Variants in UCK2 observed in about 807,000 individuals in gnomAD.
UCK2 encodes uridine-cytidine kinase 2.
A neutral mutation model predicts 30.8 loss-of-function variants in UCK2; 6 were observed. The ratio of observed to expected loss-of-function variants is 0.19; its 90% CI spans 0.11 to 0.38. The LOEUF (loss-of-function observed/expected upper bound fraction) is 0.38, where lower values mean the gene tolerates loss of function less well. Ranked by LOEUF, UCK2 falls within the 10% of genes least tolerant of loss-of-function variation. The probability of loss-of-function intolerance (pLI) is 1.00; values close to 1 mark genes in which losing one functional copy is unlikely to be tolerated. For synonymous variants in UCK2, 125 were observed against 133.6 expected, an observed-to-expected ratio of 0.94 and a Z score of 0.45; for missense variants, 210 against 339.8, an observed-to-expected ratio of 0.62 and a Z score of 3.00.
At chr1:165,828,806 T>G (rs1281900599) in intron 1 of UCK2, among the ~76,000 whole-genome samples, 1 of 151,648 alleles carries the variant, frequency 6.6e-6, no homozygotes, top group Non-Finnish European at 1.5e-5. Context: ...AAGGGTGGAG[T>G]CCTCCCAGAT....
chr1:165,835,893 G>A (rs768479424), intron 1 of UCK2, among the ~76,000 whole-genome samples: 10 of 151,690 alleles, frequency 6.6e-5, no homozygotes, highest in South Asian at 2.1e-4. Context: ...ATTTCTTTTC[G>A]ATTGCATTAC....
At chr1:165,878,334 TC>T (rs1002819534) in intron 1 of UCK2, among the ~76,000 whole-genome samples, 3 of 133,730 alleles carry the variant, frequency 2.2e-5, no homozygotes, top group African/African-American at 8.1e-5. Flanking sequence ...TTTCTTTCTT[TC>T]TTTTTTTTTT....
chr1:165,886,085 G>A (rs146880717), intron 1 of UCK2, among the ~76,000 whole-genome samples: 89 of 151,758 alleles, frequency 5.9e-4, no homozygotes, highest in African/African-American at 2.1e-3. Context: ...TTAACTTTCC[G>A]TTTCTATGAA....
chr1:165,895,711 C>A lies in UCK2; in HGVS notation c.357-479C>A, dbSNP rs573860694. The A allele has an allele frequency of 1.5e-5, 14 of 944,858 alleles. No individual in the cohort carries two copies. The African/African-American group carries it at 1.9e-4, about 13-fold the overall frequency. The allele number at this position is 944,858 out of a possible 1,614,324, so 58.5% of individuals were successfully genotyped here. A position where few individuals can be genotyped will look rare whatever the true frequency, so the allele number is the denominator to read the frequency against. On this transcript the variant is annotated intron_variant, in intron 3 of 6. Transcript: ENST00000367879. ...CCCTTCCCCTTCTGTCCTTTCCTCC[C>A]TCCTTTCAATTGCCTCAGGACTGGC...
intron 1 of UCK2, among the ~76,000 whole-genome samples, chr1:165,844,839 G>A (rs1228396131): frequency 6.6e-6 from 1 of 152,188 alleles, no homozygotes; most frequent in Non-Finnish European, 1.5e-5. Context: ...TGACTGCCTC[G>A]AGAGGGTGTG....
chr1:165,834,014 G>A (rs1029240118), intron 1 of UCK2, among the ~76,000 whole-genome samples: 1 of 151,906 alleles, frequency 6.6e-6, no homozygotes, highest in African/African-American at 2.4e-5. Flanking sequence ...TTTCTTTAAT[G>A]GTATAAAATC....
Position 165,827,920 on chromosome 1 carries a change from A to T in UCK2, c.87A>T (p.Thr29=), listed in dbSNP as rs747214714. ...TCCTTATAGGCGTCAGCGGGGGAAC[A>T]GCTAGCGGCAAGGTACGGCGGGGCC... ...EPFLIGVSGG[T]ASGKSSVCAK... is the part of the protein sequence containing the mutation. Residue 29 remains threonine (T), a synonymous_variant, in exon 1 of 7, where the codon ACA becomes ACT. Transcript: ENST00000367879. 6.9e-7 allele frequency: 1 copy of T among 1,438,976 alleles called. No individual in the cohort carries two copies. The highest frequency in any genetic ancestry group is 9.2e-7 in the Non-Finnish European group (1 of 1,086,384). 89.1% of individuals were successfully genotyped at this position (1,438,976 alleles called of 1,614,324 possible).
intron 1 of UCK2, among the ~76,000 whole-genome samples, chr1:165,883,472 C>G (rs2101877746): frequency 6.6e-6 from 1 of 152,288 alleles, no homozygotes; most frequent in South Asian, 2.1e-4. Flanking sequence ...CCCCCACCCC[C>G]CAGTCCAGGT....
chr1:165,858,644 C>T (rs1654814542), intron 1 of UCK2, among the ~76,000 whole-genome samples: 1 of 152,096 alleles, frequency 6.6e-6, no homozygotes. Flanking sequence ...TGTGTTGACT[C>T]CCTGCATGGT....
chr1:165,836,959 A>G (rs2101849751), intron 1 of UCK2, among the ~76,000 whole-genome samples: 1 of 152,286 alleles, frequency 6.6e-6, no homozygotes, highest in African/African-American at 2.4e-5. Context: ...GCAGAAGGGC[A>G]GGAGGAGAGG....
chr1:165,881,255 C>T (rs1655494693), intron 1 of UCK2, among the ~76,000 whole-genome samples: 1 of 149,968 alleles, frequency 6.7e-6, no homozygotes, highest in Non-Finnish European at 1.5e-5. Flanking sequence ...AGTTTGCCTT[C>T]CAGATTTTCT....
At position 165,827,635 on chromosome 1, in the gene UCK2, G is replaced by A; in HGVS notation, c.-199G>A. The A allele has an allele frequency of 5.1e-6, 2 of 395,098 alleles. No individual in the cohort carries two copies. The highest frequency in any genetic ancestry group is 7.5e-5 in the East Asian group (2 of 26,706). The allele number at this position is 395,098 out of a possible 1,614,324, so 24.5% of individuals were successfully genotyped here. A position where few individuals can be genotyped will look rare whatever the true frequency, so the allele number is the denominator to read the frequency against. On this transcript the variant is annotated 5_prime_UTR_variant, in exon 1 of 7. Coordinates refer to ENST00000367879, the MANE Select transcript of UCK2 (RefSeq NM_012474.5). ...GGATGTAAACCGGACCAGCCGCTGC[G>A]GGCAAAGGAAGGCTCTTGGCTCCTT...
intron 1 of UCK2, among the ~76,000 whole-genome samples, chr1:165,832,487 A>G (rs1158446388): frequency 1.3e-5 from 2 of 152,196 alleles, no homozygotes; most frequent in Non-Finnish European, 2.9e-5. Flanking sequence ...TCATTAAAGC[A>G]TTTGATTATC....
At chr1:165,888,395 G>A (rs1190763640) in intron 1 of UCK2, among the ~76,000 whole-genome samples, 2 of 151,860 alleles carry the variant, frequency 1.3e-5, no homozygotes, top group East Asian at 1.9e-4. Flanking sequence ...GGGTTCAGGC[G>A]ATTTTCCTGG....
At chr1:165,903,005 A>C (rs903875899) in intron 4 of UCK2, 177 bp from the exon 5 acceptor site, 3 of 470,004 alleles carry the variant, frequency 6.4e-6, no homozygotes, top group Non-Finnish European at 1.1e-5. Flanking sequence ...GTCAGAATGT[A>C]ACTTGTCTTT....
intron 1 of UCK2, among the ~76,000 whole-genome samples, chr1:165,885,860 GA>G (rs1655602107): frequency 6.6e-6 from 1 of 152,188 alleles, no homozygotes; most frequent in Admixed American, 6.5e-5. Flanking sequence ...CATATAGAAA[GA>G]AATGGGGCTT....
rs3790662 is a variant in UCK2 at position 165,899,308 on chromosome 1, C to A, written c.499+2976C>A. Among the ~76,000 whole-genome samples the A allele has an allele frequency of 8.9e-3, 1,350 of 152,274 alleles. 36 individuals are homozygous for A. Among genetic ancestry groups the A allele is most frequent in the Admixed American group, 0.057 (872 of 15,294 alleles). On this transcript the variant is annotated intron_variant, in intron 4 of 6. Coordinates refer to ENST00000367879, the MANE Select transcript of UCK2 (RefSeq NM_012474.5). ...CTCTGTGCTCTTTACCACCACCCAG[C>A]TCTGAATACGGGGACAGGGAGGAGG...
intron 1 of UCK2, among the ~76,000 whole-genome samples, chr1:165,879,323 T>C (rs1439029186): frequency 6.6e-6 from 1 of 152,214 alleles, no homozygotes; most frequent in Non-Finnish European, 1.5e-5. Flanking sequence ...CATGCTTGGC[T>C]TGAGGTTCAT....
intron 1 of UCK2, among the ~76,000 whole-genome samples, chr1:165,836,162 A>G (rs1352106235): frequency 6.6e-6 from 1 of 152,118 alleles, no homozygotes; most frequent in Non-Finnish European, 1.5e-5. Context: ...CAGGAAGCAG[A>G]GGTTGCAGTG....
Sources: allele counts gnomAD v4.1 joint callset (sites outside exome capture counted in the v4.1 genomes callset), GRCh38; gene constraint gnomAD v4.1.1; transcripts MANE v1.5; gene names NCBI Gene and HGNC (gene_info 2026-07-23, HGNC 2026-07-21).